EPHB1: variants seen among roughly 807,000 people sequenced by gnomAD.
The protein encoded by EPHB1 is EPH receptor B1.
A neutral mutation model predicts 94.4 loss-of-function variants in EPHB1; 30 were observed. The ratio of observed to expected loss-of-function variants is 0.32; its 90% CI spans 0.24 to 0.43. The LOEUF is 0.43. Ranked by LOEUF, EPHB1 falls within the 20% of genes least tolerant of loss-of-function variation. The pLI, the probability that EPHB1 is intolerant of heterozygous loss-of-function variation, is 1.00. For synonymous variants in EPHB1, 522 were observed against 489.1 expected, an observed-to-expected ratio of 1.07 and a Z score of -0.89; for missense variants, 1,055 against 1,308.3, an observed-to-expected ratio of 0.81 and a Z score of 2.99.
intron 1 of EPHB1, among the ~76,000 whole-genome samples, chr3:134,830,868 T>G (rs922539966): frequency 2.0e-5 from 3 of 152,104 alleles, no homozygotes; most frequent in Non-Finnish European, 4.4e-5. Context: ...GATACAAGGG[T>G]GCTACAGACT....
At chr3:134,908,664 C>T (rs2107693205) in intron 1 of EPHB1, among the ~76,000 whole-genome samples, 1 of 152,042 alleles carries the variant, frequency 6.6e-6, no homozygotes, top group East Asian at 1.9e-4. Flanking sequence ...TGTTAAGCAG[C>T]AACAACAGCA....
At chr3:135,071,563 C>T in intron 3 of EPHB1, among the ~76,000 whole-genome samples, 1 of 152,148 alleles carries the variant, frequency 6.6e-6, no homozygotes, top group South Asian at 2.1e-4. Context: ...ATTGTGGGCC[C>T]TGGGGATAGA....
At chr3:134,811,989 C>T (rs2036188477) in intron 1 of EPHB1, among the ~76,000 whole-genome samples, 1 of 152,180 alleles carries the variant, frequency 6.6e-6, no homozygotes, top group African/African-American at 2.4e-5. Flanking sequence ...GCAGGAGTGA[C>T]TTGCCAGTAG....
intron 3 of EPHB1, among the ~76,000 whole-genome samples, chr3:135,093,138 G>A (rs1938618603): frequency 6.6e-6 from 1 of 152,214 alleles, no homozygotes; most frequent in African/African-American, 2.4e-5. Flanking sequence ...TGTGTGTTGA[G>A]AGAATGAGAG....
chr3:134,964,922 T>C (rs1204546348), intron 3 of EPHB1, among the ~76,000 whole-genome samples: 1 of 152,216 alleles, frequency 6.6e-6, no homozygotes, highest in Non-Finnish European at 1.5e-5. Context: ...TTGATGCGAA[T>C]TGCAATTTTA....
chr3:135,256,476 G>A (rs1007059776), intron 15 of EPHB1, among the ~76,000 whole-genome samples: 8 of 152,102 alleles, frequency 5.3e-5, no homozygotes, highest in African/African-American at 1.4e-4. Flanking sequence ...CTTCCCTTAT[G>A]AAGCTTAGTT....
At chr3:135,063,684 T>C (rs1298431165) in intron 3 of EPHB1, among the ~76,000 whole-genome samples, 5 of 152,200 alleles carry the variant, frequency 3.3e-5, no homozygotes, top group African/African-American at 4.8e-5. Context: ...TTTTTATTTC[T>C]TTCTCTTGTC....
intron 2 of EPHB1, among the ~76,000 whole-genome samples, chr3:134,944,282 C>T (rs892441331): frequency 6.6e-6 from 1 of 152,122 alleles, no homozygotes. Flanking sequence ...ATCATGTTGC[C>T]GTACGTACTA....
chr3:134,805,573 C>T (rs2036027498), intron 1 of EPHB1, among the ~76,000 whole-genome samples: 1 of 152,068 alleles, frequency 6.6e-6, no homozygotes, highest in African/African-American at 2.4e-5. Context: ...CCTTTCCCAG[C>T]TCCACACAGG....
chr3:135,229,386 G>A (rs548610191), intron 12 of EPHB1, among the ~76,000 whole-genome samples: 21 of 152,282 alleles, frequency 1.4e-4, no homozygotes, highest in Admixed American at 9.8e-4. Context: ...CAGTTCAGGA[G>A]GCCAGAATTG....
intron 1 of EPHB1, among the ~76,000 whole-genome samples, chr3:134,866,443 G>A (rs1355941595): frequency 6.6e-6 from 1 of 152,148 alleles, no homozygotes; most frequent in Admixed American, 6.5e-5. Context: ...GCCCACTTCT[G>A]TCATGCCCAG....
At chr3:134,992,364 C>T (rs1185950878) in intron 3 of EPHB1, among the ~76,000 whole-genome samples, 2 of 152,002 alleles carry the variant, frequency 1.3e-5, no homozygotes, top group Admixed American at 6.5e-5. Flanking sequence ...GAGCCAACCA[C>T]GCACAGCTCT....
intron 15 of EPHB1, among the ~76,000 whole-genome samples, chr3:135,255,190 G>A (rs1049956557): frequency 2.6e-5 from 4 of 151,746 alleles, no homozygotes; most frequent in East Asian, 1.9e-4. Flanking sequence ...TTTTTTGAAG[G>A]GTTTTTTATG....
At chr3:134,831,722 A>T (rs1031109608) in intron 1 of EPHB1, among the ~76,000 whole-genome samples, 1 of 152,336 alleles carries the variant, frequency 6.6e-6, no homozygotes. Flanking sequence ...GGCTTGGCCC[A>T]GTAGCTTTTT....
chr3:134,795,709 G>A lies in EPHB1; in HGVS notation c.58+20G>A, dbSNP rs1312188803. The A allele has an allele frequency of 1.9e-6, 3 of 1,607,980 alleles. No individual in the cohort carries two copies. The highest frequency in any genetic ancestry group is 1.7e-5 in the Admixed American group (1 of 59,706). On this transcript the variant is annotated intron_variant, in intron 1 of 15. Coordinates refer to ENST00000398015, the MANE Select transcript of EPHB1 (RefSeq NM_004441.5). ...TGGAAGGTAACGTACCCTCCACGGA[G>A]CAAGTTGGCTGCTGGTGCCGGCCGC...
rs57873051 is a variant in EPHB1, at chr3:134,994,986, TTGTG to T, written c.805+42960_805+42963del. Among the ~76,000 whole-genome samples the T allele has an allele frequency of 9.5e-4, 141 of 148,472 alleles. No individual in the cohort carries two copies. The South Asian group carries it at 0.014, about 14-fold the overall frequency. On this transcript the variant is annotated intron_variant, in intron 3 of 15. Transcript: ENST00000398015. Reference sequence around the variant, plus strand: ...CAGATATCACCAGTTTTACATACACTTGTGTGTGTGTGTGTGTGTGTGTGTGTGT... The same window carrying T: ...CAGATATCACCAGTTTTACATACACTTGTGTGTGTGTGTGTGTGTGTGTGT...
At chr3:134,977,983 A>C in intron 3 of EPHB1, 1 of 455,974 alleles carries the variant, frequency 2.2e-6, no homozygotes, top group South Asian at 1.6e-5. Flanking sequence ...GCCTTTTTGG[A>C]GGATCCTTAG....
At chr3:134,820,377 C>T (rs952756098) in intron 1 of EPHB1, among the ~76,000 whole-genome samples, 4 of 152,210 alleles carry the variant, frequency 2.6e-5, no homozygotes, top group African/African-American at 7.2e-5. Context: ...GGAGGCCTCT[C>T]TACCAGAGGG....
At chr3:135,017,690 T>A (rs1935850579) in intron 3 of EPHB1, among the ~76,000 whole-genome samples, 1 of 152,178 alleles carries the variant, frequency 6.6e-6, no homozygotes, top group African/African-American at 2.4e-5. Context: ...ACTGGCCTTC[T>A]CTGTGTTGAG....
Sources: allele counts gnomAD v4.1 joint callset (sites outside exome capture counted in the v4.1 genomes callset), GRCh38; gene constraint gnomAD v4.1.1; transcripts MANE v1.5; gene names NCBI Gene and HGNC (gene_info 2026-07-23, HGNC 2026-07-21).